PRR16: variants seen among roughly 807,000 people sequenced by gnomAD.
PRR16 encodes the protein proline rich 16.
A neutral mutation model predicts 18.2 loss-of-function variants in PRR16; 6 were observed. The ratio of observed to expected loss-of-function variants is 0.33; its 90% CI spans 0.18 to 0.65. The LOEUF is 0.65. Ranked by LOEUF, PRR16 falls within the 30% of genes least tolerant of loss-of-function variation. The probability of loss-of-function intolerance (pLI) is 0.74; values close to 1 mark genes in which losing one functional copy is unlikely to be tolerated. For synonymous variants in PRR16, 151 were observed against 147.8 expected, an observed-to-expected ratio of 1.02 and a Z score of -0.16; for missense variants, 412 against 376.6, an observed-to-expected ratio of 1.09 and a Z score of -0.78.
At chr5:120,624,671 T>C (rs968204298) in intron 1 of PRR16, among the ~76,000 whole-genome samples, 1 of 152,190 alleles carries the variant, frequency 6.6e-6, no homozygotes, top group Non-Finnish European at 1.5e-5. Context: ...AATGAGTTAC[T>C]ACTTTTAAAG....
At chr5:120,593,912 T>G (rs1753719762) in intron 1 of PRR16, among the ~76,000 whole-genome samples, 1 of 152,102 alleles carries the variant, frequency 6.6e-6, no homozygotes, top group African/African-American at 2.4e-5. Context: ...CACATTATAA[T>G]CTCAGTAGAT....
the PRR16 span, among the ~76,000 whole-genome samples, chr5:120,696,208 C>T: frequency 6.6e-6 from 1 of 152,124 alleles, no homozygotes. Flanking sequence ...TGCCACTGCA[C>T]TCCAGCCTGA....
intron 1 of PRR16, among the ~76,000 whole-genome samples, chr5:120,681,580 T>G (rs1756975550): frequency 6.6e-6 from 1 of 152,188 alleles, no homozygotes; most frequent in Non-Finnish European, 1.5e-5. Flanking sequence ...TATCTATGCT[T>G]CTTGCATTCC....
intron 1 of PRR16, among the ~76,000 whole-genome samples, chr5:120,673,783 A>T (rs1219602925): frequency 2.6e-5 from 4 of 151,876 alleles, no homozygotes; most frequent in African/African-American, 9.6e-5. Context: ...TAAAAAAAAT[A>T]AAAAATAAAA....
chr5:120,555,756 G>A (rs1451107193), intron 1 of PRR16, among the ~76,000 whole-genome samples: 2 of 149,650 alleles, frequency 1.3e-5, no homozygotes, highest in Admixed American at 1.3e-4. Context: ...GTAAGTTCCT[G>A]GTTTTTCCAA....
intron 1 of PRR16, among the ~76,000 whole-genome samples, chr5:120,561,366 A>G (rs1330617265): frequency 6.6e-6 from 1 of 151,760 alleles, no homozygotes; most frequent in Non-Finnish European, 1.5e-5. Context: ...TAATTTCTTT[A>G]TTTACTCACT....
the PRR16 span, among the ~76,000 whole-genome samples, chr5:120,754,191 T>TAAATATAAATATATAATATCG: frequency 9.9e-6 from 1 of 100,890 alleles, no homozygotes; most frequent in East Asian, 2.5e-4. Context: ...ATATAATATA[T>TAAATATAAATATATAATATCG]AATTATATAT....
At chr5:120,479,113 T>G (rs1260570372) in intron 1 of PRR16, among the ~76,000 whole-genome samples, 3 of 152,190 alleles carry the variant, frequency 2.0e-5, no homozygotes, top group Admixed American at 1.3e-4. Flanking sequence ...ATCAGCCTAT[T>G]CAGATACTAA....
At chr5:120,533,589 TG>T (rs915160472) in intron 1 of PRR16, among the ~76,000 whole-genome samples, 34 of 152,164 alleles carry the variant, frequency 2.2e-4, no homozygotes, top group African/African-American at 4.8e-4. Flanking sequence ...TGACTATCTT[TG>T]GGAAAAACAT....
the PRR16 span, among the ~76,000 whole-genome samples, chr5:120,699,841 A>G: frequency 3.3e-5 from 5 of 152,210 alleles, no homozygotes; most frequent in African/African-American, 1.2e-4. Flanking sequence ...GAGATCAGTC[A>G]GACAAGATTG....
chr5:120,654,815 C>T (rs1755910707), intron 1 of PRR16, among the ~76,000 whole-genome samples: 1 of 151,066 alleles, frequency 6.6e-6, no homozygotes, highest in African/African-American at 2.4e-5. Context: ...AAGCCCTAAA[C>T]AGTACAAGAC....
At chr5:120,707,209 A>G in the PRR16 span, among the ~76,000 whole-genome samples, 1 of 152,184 alleles carries the variant, frequency 6.6e-6, no homozygotes. Context: ...GTTCACCATT[A>G]AAGTTACTTA....
intron 1 of PRR16, among the ~76,000 whole-genome samples, chr5:120,640,855 T>G (rs1755398987): frequency 6.6e-6 from 1 of 152,190 alleles, no homozygotes; most frequent in East Asian, 1.9e-4. Context: ...TAAATTGAAC[T>G]GGCTTATTGG....
At chr5:120,522,873 C>G (rs1338079099) in intron 1 of PRR16, among the ~76,000 whole-genome samples, 1 of 152,202 alleles carries the variant, frequency 6.6e-6, no homozygotes, top group Non-Finnish European at 1.5e-5. Context: ...GCCTCGGCCT[C>G]CCAAAATGCT....
At chr5:120,651,248 G>A (rs1241890201) in intron 1 of PRR16, among the ~76,000 whole-genome samples, 1 of 152,020 alleles carries the variant, frequency 6.6e-6, no homozygotes, top group Non-Finnish European at 1.5e-5. Context: ...AGATGAGTAG[G>A]TTGCGAAAAT....
chr5:120,605,054 C>G (rs1465190109), intron 1 of PRR16, among the ~76,000 whole-genome samples: 1 of 152,100 alleles, frequency 6.6e-6, no homozygotes, highest in Non-Finnish European at 1.5e-5. Context: ...TACAGGCATT[C>G]TCTGAAATTC....
intron 1 of PRR16, among the ~76,000 whole-genome samples, chr5:120,665,723 C>T (rs1756349930): frequency 3.9e-5 from 6 of 152,230 alleles, no homozygotes; most frequent in Middle Eastern, 6.8e-3. Context: ...GAATCCTTCC[C>T]CCATTTCCTG....
chr5:120,765,048 A>G, the PRR16 span, among the ~76,000 whole-genome samples: 1 of 152,062 alleles, frequency 6.6e-6, no homozygotes, highest in Non-Finnish European at 1.5e-5. Flanking sequence ...TTTGAATGAT[A>G]TCCTCTGTCT....
intron 1 of PRR16, among the ~76,000 whole-genome samples, chr5:120,566,808 A>G (rs139177399): frequency 4.9e-4 from 75 of 152,282 alleles, no homozygotes; most frequent in African/African-American, 1.7e-3. Flanking sequence ...CTTTCCATAA[A>G]TGTTATTGAA....
Sources: gnomAD v4.1 joint callset for allele counts (sites outside exome capture counted in the v4.1 genomes callset) on GRCh38, gnomAD v4.1.1 for gene constraint, MANE v1.5 for transcripts, NCBI Gene and HGNC (gene_info 2026-07-23, HGNC 2026-07-21) for gene names.